NRF1: variants seen among roughly 807,000 people sequenced by gnomAD.
NRF1 encodes alpha palindromic-binding protein.
NRF1 carries 5 observed loss-of-function variants against 58.5 expected under a neutral mutation model. That is an observed-to-expected ratio of 0.09 (90% CI 0.04 to 0.18). The LOEUF (loss-of-function observed/expected upper bound fraction) is 0.18. Ranked by LOEUF, NRF1 falls within the 10% of genes least tolerant of loss-of-function variation. The pLI is 1.00. For synonymous variants in NRF1, 224 were observed against 246.7 expected (o/e 0.91, Z 0.86); for missense variants, 288 against 657.7 (o/e 0.44, Z 6.15).
intron 9 of NRF1, among the ~76,000 whole-genome samples, chr7:129,725,408 A>G (rs1317229260): frequency 6.6e-6 from 1 of 151,794 alleles, no homozygotes; most frequent in East Asian, 1.9e-4. Flanking sequence ...GCCCACTGCA[A>G]TCTCCACCTC....
intron 1 of NRF1, among the ~76,000 whole-genome samples, chr7:129,624,018 A>G (rs1800862455): frequency 6.6e-6 from 1 of 152,196 alleles, no homozygotes; most frequent in Non-Finnish European, 1.5e-5. Flanking sequence ...CACCACAATG[A>G]TTGCTTTCAT....
At chr7:129,738,421 G>A (rs536614264) in intron 10 of NRF1, among the ~76,000 whole-genome samples, 5 of 152,276 alleles carry the variant, frequency 3.3e-5, no homozygotes, top group African/African-American at 7.2e-5. Flanking sequence ...TCTTCCACAC[G>A]CCCCCCTGGG....
intron 9 of NRF1, among the ~76,000 whole-genome samples, chr7:129,720,271 T>C (rs761190541): frequency 2.0e-5 from 3 of 152,128 alleles, no homozygotes; most frequent in Non-Finnish European, 4.4e-5. Flanking sequence ...ATTAGGGGAA[T>C]ATCAGGGCTT....
chr7:129,656,362 G>A (rs1801655086), intron 1 of NRF1, among the ~76,000 whole-genome samples: 1 of 151,022 alleles, frequency 6.6e-6, no homozygotes, highest in Non-Finnish European at 1.5e-5. Context: ...GAAAAAGACA[G>A]ACAATATGTA....
chr7:129,630,415 G>T (rs1584588581), intron 1 of NRF1, among the ~76,000 whole-genome samples: 1 of 152,208 alleles, frequency 6.6e-6, no homozygotes, highest in African/African-American at 2.4e-5. Flanking sequence ...TAGAGAGAGG[G>T]TCCTCAACTA....
chr7:129,660,050 G>A (rs6957596), intron 2 of NRF1, among the ~76,000 whole-genome samples: 66,815 of 152,008 alleles, frequency 0.44, 16,477 homozygotes, highest in East Asian at 0.67. Flanking sequence ...AGAGCAGGTC[G>A]CATCTTACAT....
At chr7:129,627,472 G>T (rs1800945234) in intron 1 of NRF1, among the ~76,000 whole-genome samples, 1 of 152,164 alleles carries the variant, frequency 6.6e-6, no homozygotes, top group Non-Finnish European at 1.5e-5. Context: ...CCTCCAAAGT[G>T]TTGGGATTAC....
chr7:129,692,827 A>G (rs1456925417), intron 5 of NRF1, among the ~76,000 whole-genome samples: 1 of 152,040 alleles, frequency 6.6e-6, no homozygotes, highest in Non-Finnish European at 1.5e-5. Flanking sequence ...TTGCCTGAGT[A>G]TTGTTCTCCC....
intron 10 of NRF1, among the ~76,000 whole-genome samples, chr7:129,732,183 C>T (rs1236611718): frequency 6.6e-6 from 1 of 152,126 alleles, no homozygotes; most frequent in African/African-American, 2.4e-5. Context: ...AAAACCAGGC[C>T]TATAGACCTT....
At chr7:129,718,771 T>G (rs955178382) in intron 9 of NRF1, among the ~76,000 whole-genome samples, 2 of 152,204 alleles carry the variant, frequency 1.3e-5, no homozygotes, top group Admixed American at 6.5e-5. Flanking sequence ...GGCTGTATAG[T>G]ATGGTGGCTG....
chr7:129,727,503 G>A (rs1803476948), intron 10 of NRF1, 138 bp downstream of exon 10: 1 of 774,188 alleles, frequency 1.3e-6, no homozygotes, highest in Non-Finnish European at 1.9e-6. Context: ...TCATGCCTAG[G>A]AATATTCTGG....
At chr7:129,695,674 AT>A (rs562106567) in intron 5 of NRF1, among the ~76,000 whole-genome samples, 405 of 139,528 alleles carry the variant, frequency 2.9e-3, no homozygotes, top group Middle Eastern at 7.6e-3. Context: ...CTTTTGGGAG[AT>A]TTTTTTTTTT....
intron 2 of NRF1, among the ~76,000 whole-genome samples, chr7:129,669,525 G>A (rs1801998859): frequency 6.6e-6 from 1 of 152,120 alleles, no homozygotes; most frequent in African/African-American, 2.4e-5. Context: ...TTGCACATAT[G>A]TTTTTAAGTT....
At chr7:129,651,188 G>A (rs1288307130) in intron 1 of NRF1, among the ~76,000 whole-genome samples, 3 of 152,104 alleles carry the variant, frequency 2.0e-5, no homozygotes, top group African/African-American at 7.2e-5. Context: ...TTGAGAGACC[G>A]AGGCAGATGG....
intron 1 of NRF1, among the ~76,000 whole-genome samples, chr7:129,637,145 A>G (rs1406437212): frequency 6.6e-6 from 1 of 152,034 alleles, no homozygotes; most frequent in Non-Finnish European, 1.5e-5. Flanking sequence ...AGGAGGATGA[A>G]TGGCTTTAAC....
chr7:129,732,976 C>T (rs939599941), intron 10 of NRF1, among the ~76,000 whole-genome samples: 2 of 151,790 alleles, frequency 1.3e-5, no homozygotes, highest in African/African-American at 4.8e-5. Flanking sequence ...GAGGCTGAGG[C>T]AGGAGAATTG....
At chr7:129,663,510 C>T (rs1262200708) in intron 2 of NRF1, among the ~76,000 whole-genome samples, 4 of 146,938 alleles carry the variant, frequency 2.7e-5, no homozygotes, top group Non-Finnish European at 4.5e-5. Flanking sequence ...CGGGCAGAGG[C>T]GCTCCCCACC....
chr7:129,703,383 C>T (rs931050586), intron 5 of NRF1, among the ~76,000 whole-genome samples: 1 of 152,198 alleles, frequency 6.6e-6, no homozygotes, highest in Non-Finnish European at 1.5e-5. Context: ...CCTTAACAAG[C>T]ACTTCAAGAA....
intron 10 of NRF1, among the ~76,000 whole-genome samples, chr7:129,747,344 A>C (rs1237723322): frequency 1.3e-5 from 2 of 152,138 alleles, no homozygotes; most frequent in African/African-American, 4.8e-5. Context: ...CCCTGATTTC[A>C]TGGCTGTTAT....
Sources: gnomAD v4.1 joint callset for allele counts (sites outside exome capture counted in the v4.1 genomes callset) on GRCh38, gnomAD v4.1.1 for gene constraint, MANE v1.5 for transcripts, NCBI Gene and HGNC (gene_info 2026-07-23, HGNC 2026-07-21) for gene names.